BCL9: variants seen among roughly 807,000 people sequenced by gnomAD.
BCL9 encodes B-cell CLL/lymphoma 9 protein.
A neutral mutation model predicts 88.5 loss-of-function variants in BCL9; 25 were observed. The ratio of observed to expected loss-of-function variants is 0.28; its 90% CI spans 0.21 to 0.39. The LOEUF is 0.39. Ranked by LOEUF, BCL9 falls within the 10% of genes least tolerant of loss-of-function variation. The pLI, the probability that BCL9 is intolerant of heterozygous loss-of-function variation, is 1.00. For synonymous variants in BCL9, 711 were observed against 673.3 expected (o/e 1.06, Z -0.87); for missense variants, 1,817 against 1,877.8 (o/e 0.97, Z 0.60).
intron 1 of BCL9, among the ~76,000 whole-genome samples, chr1:147,562,934 G>A (rs1190186886): frequency 6.6e-6 from 1 of 152,162 alleles, no homozygotes; most frequent in Non-Finnish European, 1.5e-5. Flanking sequence ...GCTTTTCTCT[G>A]ACCTCATCTC....
intron 1 of BCL9, among the ~76,000 whole-genome samples, chr1:147,557,959 T>C (rs782305819): frequency 9.2e-5 from 14 of 152,058 alleles, no homozygotes; most frequent in Non-Finnish European, 1.9e-4. Flanking sequence ...CCATATTCCT[T>C]TGAATGTAAG....
At chr1:147,589,106 C>T (rs587680999) in intron 1 of BCL9, among the ~76,000 whole-genome samples, 17 of 152,296 alleles carry the variant, frequency 1.1e-4, no homozygotes, top group Non-Finnish European at 2.2e-4. Flanking sequence ...ATCCCTGTCC[C>T]TAATGGTAGT....
chr1:147,544,718 C>T (rs192696239), intron 1 of BCL9, among the ~76,000 whole-genome samples: 2 of 152,252 alleles, frequency 1.3e-5, no homozygotes, highest in African/African-American at 2.4e-5. Context: ...GGACACATAT[C>T]CTACCCCTCC....
intron 1 of BCL9, among the ~76,000 whole-genome samples, chr1:147,568,827 G>C (rs990259576): frequency 2.0e-5 from 3 of 152,118 alleles, no homozygotes; most frequent in Admixed American, 6.5e-5. Flanking sequence ...TCGGTTCTTA[G>C]TTTTTTCTCA....
intron 1 of BCL9, among the ~76,000 whole-genome samples, chr1:147,602,085 G>C (rs1553201377): frequency 6.6e-6 from 1 of 151,914 alleles, no homozygotes; most frequent in Non-Finnish European, 1.5e-5. Flanking sequence ...ACTTTTAGTA[G>C]AGATGGGGTT....
intron 1 of BCL9, among the ~76,000 whole-genome samples, chr1:147,579,735 C>T (rs1176237489): frequency 1.3e-5 from 2 of 152,176 alleles, no homozygotes; most frequent in Non-Finnish European, 2.9e-5. Context: ...TCCTGTCCCT[C>T]GGCTGAGATG....
chr1:147,583,477 C>G (rs2101554415), intron 1 of BCL9, among the ~76,000 whole-genome samples: 1 of 151,714 alleles, frequency 6.6e-6, no homozygotes, highest in African/African-American at 2.4e-5. Context: ...GGGGTTTCAC[C>G]ATGTTGGCCA....
intron 1 of BCL9, among the ~76,000 whole-genome samples, chr1:147,554,707 C>T (rs587754376): frequency 8.5e-5 from 13 of 152,134 alleles, no homozygotes; most frequent in African/African-American, 2.7e-4. Flanking sequence ...TTATTGTCTG[C>T]GCAACCTTGA....
In BCL9 at chr1:147,611,707, C is replaced by A; in HGVS notation, c.-130C>A. Reference sequence around the variant, plus strand: ...AAAGAGGAAAAAGGCATACAGGCAGCGAGCGCTAAGGGACGCACCCAGCAA... The same window carrying A: ...AAAGAGGAAAAAGGCATACAGGCAGAGAGCGCTAAGGGACGCACCCAGCAA... On this transcript the variant is annotated 5_prime_UTR_variant, in exon 4 of 10. Transcript: ENST00000234739. The A allele has an allele frequency of 1.2e-6, 1 of 801,028 alleles. No individual in the cohort carries two copies. The highest frequency in any genetic ancestry group is 2.1e-6 in the Non-Finnish European group (1 of 475,214). The allele number at this position is 801,028 out of a possible 1,614,324, so 49.6% of individuals were successfully genotyped here.
At chr1:147,567,156 A>G (rs1417545618) in intron 1 of BCL9, among the ~76,000 whole-genome samples, 1 of 152,108 alleles carries the variant, frequency 6.6e-6, no homozygotes, top group Non-Finnish European at 1.5e-5. Context: ...AAGAAAAGCA[A>G]CCCCTTCCCA....
chr1:147,565,752 G>A (rs188577911), intron 1 of BCL9, among the ~76,000 whole-genome samples: 17 of 152,238 alleles, frequency 1.1e-4, no homozygotes, highest in African/African-American at 3.9e-4. Flanking sequence ...TTGTCTCCCA[G>A]GATTGCATGC....
At chr1:147,592,746 A>G (rs1328607414) in intron 1 of BCL9, among the ~76,000 whole-genome samples, 4 of 152,218 alleles carry the variant, frequency 2.6e-5, no homozygotes, top group Non-Finnish European at 5.9e-5. Context: ...AGATGACCAA[A>G]TGCAATAATA....
intron 1 of BCL9, among the ~76,000 whole-genome samples, chr1:147,555,414 T>C (rs1402907200): frequency 1.3e-5 from 2 of 152,220 alleles, no homozygotes; most frequent in East Asian, 1.9e-4. Context: ...GAGATCATCT[T>C]GTTTGCCTTC....
chr1:147,584,886 C>T (rs1209543674), intron 1 of BCL9, among the ~76,000 whole-genome samples: 4 of 152,196 alleles, frequency 2.6e-5, no homozygotes, highest in Admixed American at 2.6e-4. Flanking sequence ...TCATTCATAA[C>T]CACTCCAGGT....
chr1:147,625,309 C>G lies in BCL9; in HGVS notation c.*350C>G, dbSNP rs1468526913. On this transcript the variant is annotated 3_prime_UTR_variant, in exon 10 of 10. Transcript: ENST00000234739. ...TGTATGTTTACGTCCTTTGGACTGG[C>G]TTCTCCCAGGATTCTTTTCTGTTTT... is the stretch of plus-strand genomic sequence containing the variant. 4.3e-5 allele frequency: 12 copies of G among 277,516 alleles called. No individual in the cohort carries two copies. Among genetic ancestry groups the G allele is most frequent in the Non-Finnish European group, 7.5e-5 (11 of 145,916 alleles). The allele number at this position is 277,516 out of a possible 1,614,324, so 17.2% of individuals were successfully genotyped here.
chr1:147,555,402 A>G (rs1282445034), intron 1 of BCL9, among the ~76,000 whole-genome samples: 2 of 152,190 alleles, frequency 1.3e-5, no homozygotes, highest in Admixed American at 1.3e-4. Context: ...CTTCCCCTGT[A>G]AGAGATCATC....
At chr1:147,573,862 A>T (rs1170897813) in intron 1 of BCL9, among the ~76,000 whole-genome samples, 1 of 152,144 alleles carries the variant, frequency 6.6e-6, no homozygotes, top group African/African-American at 2.4e-5. Flanking sequence ...ACTCTCAGTC[A>T]TGTGTTTTTT....
chr1:147,616,043 G>T, intron 7 of BCL9, 141 bp downstream of exon 7: 1 of 773,046 alleles, frequency 1.3e-6, no homozygotes, highest in Non-Finnish European at 2.1e-6. Flanking sequence ...TTCTGGCATT[G>T]TGGGGCATTA....
At chr1:147,598,785 C>T (rs1216103395) in intron 1 of BCL9, among the ~76,000 whole-genome samples, 2 of 152,200 alleles carry the variant, frequency 1.3e-5, no homozygotes, top group Non-Finnish European at 2.9e-5. Context: ...CCCCACAAGG[C>T]ACAAGGACAG....
Sources: gnomAD v4.1 joint callset for allele counts (sites outside exome capture counted in the v4.1 genomes callset) on GRCh38, gnomAD v4.1.1 for gene constraint, MANE v1.5 for transcripts, NCBI Gene and HGNC (gene_info 2026-07-23, HGNC 2026-07-21) for gene names.